Variants in ANK3 observed in about 807,000 individuals in gnomAD.
The protein encoded by ANK3 is ankyrin 3, also known as ankyrin-3.
In ANK3, 57 loss-of-function variants were observed where a neutral mutation model predicts 370.9. The observed-to-expected ratio is 0.15, with a 90% CI of 0.12 to 0.19. The LOEUF (loss-of-function observed/expected upper bound fraction) is 0.19. ANK3 is among the 10% of genes least tolerant of loss of function. The pLI is 1.00. For missense variants in ANK3, 4,439 were observed against 5,302.1 expected (o/e 0.84, Z 5.06); for synonymous variants, 1,929 against 1,946.3 (o/e 0.99, Z 0.23).
chr10:60,491,515 C>T (rs574602729), intron 2 of ANK3, among the ~76,000 whole-genome samples: 1 of 152,314 alleles, frequency 6.6e-6, no homozygotes, highest in Admixed American at 6.5e-5. Context: ...TCTTTCTATT[C>T]CTTTCTATCC....
At chr10:60,730,929 C>T (rs2080013437) in intron 1 of ANK3, among the ~76,000 whole-genome samples, 1 of 152,178 alleles carries the variant, frequency 6.6e-6, no homozygotes, top group Admixed American at 6.5e-5. Flanking sequence ...TTGGACTTGT[C>T]AGTTTCAGGT....
chr10:60,238,673 C>T (rs1030669499), intron 7 of ANK3, among the ~76,000 whole-genome samples: 2 of 152,014 alleles, frequency 1.3e-5, no homozygotes, highest in African/African-American at 4.8e-5. Context: ...AAGCAAAATT[C>T]TCTGATGCCC....
chr10:60,386,755 C>A (rs1219941883), intron 1 of ANK3, among the ~76,000 whole-genome samples: 2 of 152,192 alleles, frequency 1.3e-5, no homozygotes, highest in Non-Finnish European at 2.9e-5. Context: ...TTTGGCCTTG[C>A]TCAAACCTGA....
chr10:60,634,664 G>T (rs1454719174), intron 1 of ANK3, among the ~76,000 whole-genome samples: 1 of 152,046 alleles, frequency 6.6e-6, no homozygotes, highest in Non-Finnish European at 1.5e-5. Context: ...TGGAAGCTTT[G>T]TTCTTTTGCT....
At chr10:60,267,934 C>G (rs543767448) in intron 5 of ANK3, among the ~76,000 whole-genome samples, 60 of 152,316 alleles carry the variant, frequency 3.9e-4, no homozygotes, top group African/African-American at 1.4e-3. Context: ...ATGTGTGTAT[C>G]GTAGTGTGCT....
chr10:60,041,754 T>A (rs1340475290), intron 43 of ANK3, among the ~76,000 whole-genome samples: 1 of 152,142 alleles, frequency 6.6e-6, no homozygotes, highest in Non-Finnish European at 1.5e-5. Context: ...GGAGGGAGAA[T>A]TGAGAACTTA....
chr10:60,468,976 T>A (rs1466753887), intron 2 of ANK3, among the ~76,000 whole-genome samples: 1 of 129,086 alleles, frequency 7.7e-6, no homozygotes, highest in African/African-American at 2.7e-5. Flanking sequence ...AGGACCACTA[T>A]ATATATACCA....
intron 1 of ANK3, among the ~76,000 whole-genome samples, chr10:60,388,470 A>G (rs2062726182): frequency 1.3e-5 from 2 of 152,230 alleles, no homozygotes; most frequent in African/African-American, 4.8e-5. Context: ...TCACAAAGAC[A>G]CATAAAAATG....
chr10:60,553,180 G>A (rs2077128833), intron 2 of ANK3, among the ~76,000 whole-genome samples: 1 of 152,140 alleles, frequency 6.6e-6, no homozygotes, highest in African/African-American at 2.4e-5. Flanking sequence ...ATACGGGGAG[G>A]TGCTAAAAGG....
At chr10:60,374,130 TA>T (rs1413850054) in intron 1 of ANK3, among the ~76,000 whole-genome samples, 1 of 151,462 alleles carries the variant, frequency 6.6e-6, no homozygotes, top group Non-Finnish European at 1.5e-5. Context: ...TGTCCTGCAG[TA>T]GGAGCACAAG....
Position 60,694,814 on chromosome 10 carries a change from C to T in ANK3, c.57+38449G>A, listed in dbSNP as rs1266577311. 4.1e-4 allele frequency among the ~76,000 whole-genome samples: 62 copies of T among 150,868 alleles called. 1 individual carries two copies. The East Asian group carries it at 4.3e-3, about 10-fold the overall frequency. On this transcript the variant is annotated intron_variant, in intron 1 of 43. Coordinates refer to the ANK3 transcript ENST00000373827. ...AATCATGCCAAAATGTAAAGACCAT[C>T]GAGACTAGGAAGAAACTGCATCAAC...
chr10:60,137,540 T>C (rs1205803287), intron 24 of ANK3, among the ~76,000 whole-genome samples: 3 of 152,034 alleles, frequency 2.0e-5, no homozygotes, highest in Admixed American at 6.6e-5. Flanking sequence ...CTTAAAAATA[T>C]TGGCTTTATA....
chr10:60,366,788 T>C (rs950563102), intron 1 of ANK3, among the ~76,000 whole-genome samples: 2 of 152,298 alleles, frequency 1.3e-5, no homozygotes, highest in South Asian at 4.1e-4. Context: ...AATGTGATAA[T>C]GTACATGAAA....
chr10:60,728,910 G>A (rs1265878593), intron 1 of ANK3, among the ~76,000 whole-genome samples: 2 of 152,164 alleles, frequency 1.3e-5, no homozygotes, highest in African/African-American at 2.4e-5. Context: ...GAAGTACATA[G>A]TATCTACTGT....
chr10:60,300,457 C>T (rs1267602610), intron 1 of ANK3: 2 of 1,284,992 alleles, frequency 1.6e-6, no homozygotes, highest in Non-Finnish European at 2.0e-6. Context: ...AGGTTTCCCC[C>T]ACTTCCTAGG....
intron 36 of ANK3, among the ~76,000 whole-genome samples, chr10:60,078,447 T>G (rs2084329768): frequency 6.6e-6 from 1 of 152,180 alleles, no homozygotes; most frequent in Non-Finnish European, 1.5e-5. Context: ...GATTTGAGCT[T>G]AGTCTGTGTC....
intron 1 of ANK3, among the ~76,000 whole-genome samples, chr10:60,692,834 AAC>A (rs2079375847): frequency 6.6e-6 from 1 of 152,254 alleles, no homozygotes; most frequent in Admixed American, 6.5e-5. Context: ...GATTTTTGAT[AAC>A]AGATTGTTTT....
chr10:60,710,154 G>C (rs2079683425), intron 1 of ANK3, among the ~76,000 whole-genome samples: 2 of 152,134 alleles, frequency 1.3e-5, no homozygotes, highest in East Asian at 1.9e-4. Context: ...AGAACTATAA[G>C]AGAGCACTTT....
chr10:60,551,857 G>A (rs2077095574), intron 2 of ANK3, among the ~76,000 whole-genome samples: 1 of 152,086 alleles, frequency 6.6e-6, no homozygotes, highest in Non-Finnish European at 1.5e-5. Context: ...AGTCATCAGT[G>A]ACTTGACTTC....
Sources: gnomAD v4.1 joint callset for allele counts (sites outside exome capture counted in the v4.1 genomes callset) on GRCh38, gnomAD v4.1.1 for gene constraint, MANE v1.5 for transcripts, NCBI Gene and HGNC (gene_info 2026-07-23, HGNC 2026-07-21) for gene names.